The following HOMER2 variants were observed in gnomAD, a reference collection of about 807,000 sequenced individuals.
The protein encoded by HOMER2 is homer scaffold protein 2, also known as homer protein homolog 2.
Under a neutral mutation model 47.0 loss-of-function variants are expected in HOMER2, and 27 were observed. That is an observed-to-expected ratio of 0.57 (90% CI 0.42 to 0.79). HOMER2 has a LOEUF of 0.79. Ranked by LOEUF, HOMER2 falls within the 30% of genes least tolerant of loss-of-function variation. HOMER2 has a pLI of 0.00. For synonymous variants in HOMER2, 161 were observed against 163.8 expected (o/e 0.98, Z 0.13); for missense variants, 443 against 435.0 (o/e 1.02, Z -0.16).
chr15:82,974,260 C>T (rs554957544), intron 1 of HOMER2, among the ~76,000 whole-genome samples: 1 of 151,840 alleles, frequency 6.6e-6, no homozygotes, highest in Non-Finnish European at 1.5e-5. Flanking sequence ...CAAAATTAGC[C>T]AGCCGTGGTG....
At chr15:82,846,304 C>G (rs1320998766), downstream of HOMER2, 1 of 152,252 alleles carries the variant, frequency 6.6e-6, no homozygotes, top group Non-Finnish European at 1.5e-5. Flanking sequence ...GCAGAGACAT[C>G]ATTTTAACCA....
At chr15:82,881,994 C>A (rs1313185366) in intron 2 of HOMER2, among the ~76,000 whole-genome samples, 1 of 152,150 alleles carries the variant, frequency 6.6e-6, no homozygotes. Context: ...GCCAACAGCA[C>A]AATGAAATCA....
chr15:82,950,826 GT>G (rs1210914852), intron 1 of HOMER2, among the ~76,000 whole-genome samples: 7 of 152,122 alleles, frequency 4.6e-5, no homozygotes, highest in Admixed American at 1.3e-4. Context: ...TTTCTTTAAG[GT>G]TTTATGAGTG....
At chr15:82,956,907 C>T (rs1220172626), upstream of HOMER2, among the ~76,000 whole-genome samples, 1 of 152,126 alleles carries the variant, frequency 6.6e-6, no homozygotes, top group African/African-American at 2.4e-5. Flanking sequence ...TATCTGTGAC[C>T]ACGGGCAAGT....
chr15:82,952,714 C>A lies in HOMER2; in HGVS notation c.-179G>T, dbSNP rs2054536344. On this transcript the variant is annotated 5_prime_UTR_variant, in exon 1 of 9. Coordinates refer to ENST00000450735, the MANE Select transcript of HOMER2 (RefSeq NM_004839.4). ...CTGCTGCCACTGCCGCCACCGCCGC[C>A]AGGCGCGGGCGGGCGGGGGCTGGGC... 1 of 982,100 alleles carries A rather than the reference C, an allele frequency of 1.0e-6. No individual in the cohort carries two copies. The highest frequency in any genetic ancestry group is 1.2e-6 in the Non-Finnish European group (1 of 829,022). 60.8% of individuals were successfully genotyped at this position (982,100 alleles called of 1,614,324 possible).
intron 1 of HOMER2, among the ~76,000 whole-genome samples, chr15:82,942,788 C>A (rs1038898668): frequency 1.3e-5 from 2 of 152,220 alleles, no homozygotes; most frequent in African/African-American, 4.8e-5. Flanking sequence ...ATTCTCCCGG[C>A]CTTCCCGATC....
chr15:82,935,640 C>T lies in HOMER2; in HGVS notation c.5+16891G>A, dbSNP rs144865320. Reference sequence around the variant, plus strand: ...ACCCCCATCCTAACTTGCTCCTCTTCCAGACTTCCCTACATCTCCTAGTGG... The same window carrying T: ...ACCCCCATCCTAACTTGCTCCTCTTTCAGACTTCCCTACATCTCCTAGTGG... On this transcript the variant is annotated intron_variant, in intron 1 of 8. Transcript: ENST00000450735. Among the ~76,000 whole-genome samples, 107 of 152,330 alleles carry T rather than the reference C, an allele frequency of 7.0e-4. 2 individuals carry two copies. In the East Asian group the frequency reaches 0.02, roughly 28 times the overall value.
At chr15:82,917,008 G>A (rs1001724031) in intron 1 of HOMER2, among the ~76,000 whole-genome samples, 3 of 152,064 alleles carry the variant, frequency 2.0e-5, no homozygotes, top group Non-Finnish European at 4.4e-5. Context: ...CACCATGTTG[G>A]CCAGGATGGC....
chr15:82,911,349 C>A (rs1359881232), intron 1 of HOMER2, among the ~76,000 whole-genome samples: 1 of 152,006 alleles, frequency 6.6e-6, no homozygotes, highest in Non-Finnish European at 1.5e-5. Context: ...AGGTACCTAC[C>A]CTTTCAGGTT....
intron 1 of HOMER2, among the ~76,000 whole-genome samples, chr15:82,909,494 G>C (rs1446154392): frequency 6.6e-6 from 1 of 152,162 alleles, no homozygotes; most frequent in Admixed American, 6.5e-5. Context: ...GATGGTTACA[G>C]AACAGGTGAC....
chr15:82,952,757 G>GCCCGCCCCGCCCTCCCCAGCCGCTACC (rs1307006121), upstream of HOMER2: 3 of 935,672 alleles, frequency 3.2e-6, no homozygotes, highest in Non-Finnish European at 3.8e-6. Flanking sequence ...CTGGGGCGGT[G>GCCCGCCCCGCCCTCCCCAGCCGCTACC]CCCGCCCCGC....
chr15:82,902,124 G>A (rs1225194811), intron 1 of HOMER2, among the ~76,000 whole-genome samples: 3 of 149,528 alleles, frequency 2.0e-5, no homozygotes, highest in Non-Finnish European at 4.4e-5. Flanking sequence ...ATGAACAAAG[G>A]AAGTTTTAAA....
At chr15:82,861,588 C>T (rs1334978802) in intron 4 of HOMER2, among the ~76,000 whole-genome samples, 1 of 152,122 alleles carries the variant, frequency 6.6e-6, no homozygotes, top group Non-Finnish European at 1.5e-5. Flanking sequence ...CACAAAACAG[C>T]CCCACATTTT....
intron 1 of HOMER2, chr15:82,898,476 T>C (rs1228459118): frequency 6.6e-6 from 1 of 152,240 alleles, no homozygotes; most frequent in African/African-American, 2.4e-5. Context: ...TCTTCAGTGC[T>C]TTAAATAGAA....
In HOMER2 at chr15:82,964,871, G is replaced by T. The variant is rs549645368; in HGVS notation, n.83-5563C>A. ...CAGTGTTTCCATGGGAAGTCAACAAGTGTTATGCAGCAGGAAAAGGTTCCG... is the reference window on the plus strand; with the variant it reads ...CAGTGTTTCCATGGGAAGTCAACAATTGTTATGCAGCAGGAAAAGGTTCCG... On this transcript the variant is annotated intron_variant and non_coding_transcript_variant, in intron 1 of 1. Coordinates refer to the HOMER2 transcript ENST00000500334. Among the ~76,000 whole-genome samples the T allele has an allele frequency of 1.4e-3, 217 of 152,320 alleles. 1 individual carries two copies. Among genetic ancestry groups the T allele is most frequent in the Admixed American group, 3.3e-3 (51 of 15,308 alleles).
chr15:82,853,353 G>A (rs2051460891), intron 6 of HOMER2, among the ~76,000 whole-genome samples: 1 of 152,248 alleles, frequency 6.6e-6, no homozygotes. Context: ...CGATCCCTCT[G>A]GCAGGCAGAT....
chr15:82,875,720 A>G (rs1206027760), intron 2 of HOMER2, among the ~76,000 whole-genome samples: 1 of 152,184 alleles, frequency 6.6e-6, no homozygotes, highest in Non-Finnish European at 1.5e-5. Context: ...ATTTCCCCAA[A>G]GCTGCCACGC....
chr15:82,960,438 G>C (rs1179549883), intron 1 of HOMER2, among the ~76,000 whole-genome samples: 1 of 152,188 alleles, frequency 6.6e-6, no homozygotes, highest in Non-Finnish European at 1.5e-5. Context: ...GGAATCACCA[G>C]GGAGGAAAGT....
intron 1 of HOMER2, among the ~76,000 whole-genome samples, chr15:82,916,951 G>A (rs550346587): frequency 3.9e-5 from 6 of 152,234 alleles, no homozygotes; most frequent in Middle Eastern, 3.4e-3. Context: ...ACAGGCGCAC[G>A]CCACAATGTC....
Sources: gnomAD v4.1 joint callset for allele counts (sites outside exome capture counted in the v4.1 genomes callset) on GRCh38, gnomAD v4.1.1 for gene constraint, MANE v1.5 for transcripts, NCBI Gene and HGNC (gene_info 2026-07-23, HGNC 2026-07-21) for gene names.